The following ANK1 variants were observed in gnomAD, a reference collection of about 807,000 sequenced individuals.
ANK1 encodes ankyrin 1.
ANK1 carries 51 observed loss-of-function variants against 210.4 expected under a neutral mutation model. The ratio of observed to expected loss-of-function variants is 0.24; its 90% CI spans 0.19 to 0.31. The LOEUF (loss-of-function observed/expected upper bound fraction) is 0.31. ANK1 is among the 10% of genes least tolerant of loss of function. The pLI is 1.00. For synonymous variants in ANK1, 967 were observed against 1,025.9 expected (o/e 0.94, Z 1.10); for missense variants, 2,051 against 2,504.4 (o/e 0.82, Z 3.86).
In ANK1 at chr8:41,766,814, C is replaced by T. The variant is rs1405503509; in HGVS notation, c.28-8677G>A. Among the ~76,000 whole-genome samples the T allele has an allele frequency of 5.3e-5, 8 of 152,252 alleles. No individual in the cohort carries two copies. The South Asian group carries it at 1.0e-3, about 20-fold the overall frequency. ...CTTGCCAGGGCGCCCAACAGGTCTGCCTTCCTCTGCCCCATTCATTTCCTG... is the reference window on the plus strand; with the variant it reads ...CTTGCCAGGGCGCCCAACAGGTCTGTCTTCCTCTGCCCCATTCATTTCCTG... On this transcript the variant is annotated intron_variant, in intron 1 of 42. Transcript: ENST00000289734.
At chr8:41,739,940 G>A (rs953523100) in intron 2 of ANK1, among the ~76,000 whole-genome samples, 1 of 152,050 alleles carries the variant, frequency 6.6e-6, no homozygotes, top group Non-Finnish European at 1.5e-5. Context: ...ATGTTAGGCT[G>A]GCAGGAATGG....
Position 41,703,966 on chromosome 8 carries a change from A to C in ANK1, c.2295+75T>G. On this transcript the variant is annotated intron_variant, in intron 20 of 42. Transcript: ENST00000289734. ...GCCCTAGACACGTGCATTAACCTCTACGGTTAGGGGAGTTCACACAGGGCT... is the reference window on the plus strand; with the variant it reads ...GCCCTAGACACGTGCATTAACCTCTCCGGTTAGGGGAGTTCACACAGGGCT... The C allele has an allele frequency of 2.2e-6, 3 of 1,374,394 alleles. No individual in the cohort carries two copies. The South Asian group carries it at 3.5e-5, about 16-fold the overall frequency. The allele number at this position is 1,374,394 out of a possible 1,614,324, so 85.1% of individuals were successfully genotyped here.
In ANK1 at chr8:41,758,513, T is replaced by TC. The variant is rs1261903436; in HGVS notation, c.28-377_28-376insG. Among the ~76,000 whole-genome samples, 5 of 152,206 alleles carry TC rather than the reference T, an allele frequency of 3.3e-5. No homozygotes were observed. In the East Asian group the frequency reaches 7.7e-4, roughly 24 times the overall value. ...AAGCCCAACTATTTTTTTAAACTTT[T>TC]TTTTTTTTTATAGAGACAGGGCATC... On this transcript the variant is annotated intron_variant, in intron 1 of 42. Transcript: ENST00000289734.
At chr8:41,698,183 C>T (rs973772629) in intron 23 of ANK1, 62 bp from the exon 24 acceptor site, 4 of 1,549,360 alleles carry the variant, frequency 2.6e-6, no homozygotes, top group African/African-American at 2.7e-5. Flanking sequence ...AGCTCCTCTT[C>T]CTCTTGCCTC....
rs563148090 is a variant in ANK1 at position 41,718,953 on chromosome 8, G to A, written c.1107+708C>T. 5.9e-5 allele frequency among the ~76,000 whole-genome samples: 9 copies of A among 152,330 alleles called. 1 individual carries two copies. The South Asian group carries it at 1.9e-3, about 32-fold the overall frequency. On this transcript the variant is annotated intron_variant, in intron 10 of 42. Coordinates refer to ENST00000289734, the MANE Select transcript of ANK1 (RefSeq NM_000037.4). ...CCCTATAACAGTACGTGGCCTGTGG[G>A]CACTGCTCAGTGAAAGCTTTTTTGA... is the stretch of plus-strand genomic sequence containing the variant.
At chr8:41,888,393 C>T (rs572941330) in intron 1 of ANK1, among the ~76,000 whole-genome samples, 4 of 152,360 alleles carry the variant, frequency 2.6e-5, no homozygotes, top group African/African-American at 9.6e-5. Flanking sequence ...ACTCAGACCA[C>T]CCGACTTCTT....
rs138331656 is a variant in ANK1, at chr8:41,866,496, C to T, written c.126+29859G>A. ...GGCGTGAGCCACTGTGCCTGGATGCCTTAACCATTTTTAAGTGTACGGTTC... is the reference window on the plus strand; with the variant it reads ...GGCGTGAGCCACTGTGCCTGGATGCTTTAACCATTTTTAAGTGTACGGTTC... On this transcript the variant is annotated intron_variant, in intron 1 of 42. Transcript: ENST00000265709. Among the ~76,000 whole-genome samples, 11 of 152,320 alleles carry T rather than the reference C, an allele frequency of 7.2e-5. No individual in the cohort carries two copies. In the East Asian group the frequency reaches 9.6e-4, roughly 13 times the overall value.
intron 37 of ANK1, among the ~76,000 whole-genome samples, chr8:41,683,889 T>C (rs983615889): frequency 3.3e-5 from 5 of 152,098 alleles, no homozygotes; most frequent in African/African-American, 1.2e-4. Context: ...ATCCTCTCCT[T>C]GGGCTGGATC....
At chr8:41,702,711 G>A (rs887930808) in intron 20 of ANK1, among the ~76,000 whole-genome samples, 3 of 152,218 alleles carry the variant, frequency 2.0e-5, no homozygotes, top group African/African-American at 7.2e-5. Context: ...TGGATACTGA[G>A]GCTTGATTTT....
rs1463917287 is a variant in ANK1, at chr8:41,654,309, G to T, written c.*1481C>A. The T allele has an allele frequency of 6.6e-6, 1 of 152,652 alleles. No individual in the cohort carries two copies. The highest frequency in any genetic ancestry group is 2.4e-5 in the African/African-American group (1 of 41,458). The allele number at this position is 152,652 out of a possible 1,614,324, so 9.5% of individuals were successfully genotyped here. ...TCTGTCTCCTTCCTGCCTTGACCCA[G>T]AGCCTGGCCCCGGCCTCTGGGCGTC... On this transcript the variant is annotated 3_prime_UTR_variant, in exon 43 of 43. Coordinates refer to ENST00000289734, the MANE Select transcript of ANK1 (RefSeq NM_000037.4).
At chr8:41,703,129 C>T (rs1035175892) in intron 20 of ANK1, among the ~76,000 whole-genome samples, 1 of 151,840 alleles carries the variant, frequency 6.6e-6, no homozygotes, top group African/African-American at 2.4e-5. Context: ...CTGCACCCAG[C>T]CAAGGGTCCA....
At chr8:41,721,656 C>CAAAAAAAAAAAAAAAAAAAAAAAAAAA in intron 9 of ANK1, among the ~76,000 whole-genome samples, 1 of 108,130 alleles carries the variant, frequency 9.2e-6, no homozygotes, top group Non-Finnish European at 1.9e-5. Context: ...GACTTCATCT[C>CAAAAAAAAAAAAAAAAAAAAAAAAAAA]AAAAAAAAAA....
At position 41,714,221 on chromosome 8, in the gene ANK1, G is replaced by A; in HGVS notation, c.1735C>T (p.His579Tyr). ...AGCTTGACGATGTCCAGGTTGTTGT[G>A]ATGGACGGCCACGTGCAGGGGGGTC... Reference protein sequence around the residue: ...GLTPLHVAVHHNNLDIVKLLL... With the variant: ...GLTPLHVAVHYNNLDIVKLLL... The change falls in exon 16 of 43, where the codon CAC becomes TAC. Residue 579 changes from histidine (H) to tyrosine (Y), a missense_variant. This residue lies in a region of ANK1 where 1,413 missense variants were observed against 1,707.4 expected (regional missense o/e 0.83). Transcript: ENST00000289734. The A allele has an allele frequency of 1.3e-6, 2 of 1,536,474 alleles. No individual in the cohort carries two copies. Among genetic ancestry groups the A allele is most frequent in the Non-Finnish European group, 1.8e-6 (2 of 1,131,854 alleles).
At chr8:41,842,725 T>C (rs1809196688) in intron 1 of ANK1, among the ~76,000 whole-genome samples, 1 of 152,116 alleles carries the variant, frequency 6.6e-6, no homozygotes, top group East Asian at 1.9e-4. Context: ...GGCAGCTTTG[T>C]TTGGGACTGG....
At chr8:41,688,746 A>G (rs1010209248) in intron 33 of ANK1, among the ~76,000 whole-genome samples, 157 bp from the exon 34 acceptor site, 2 of 152,208 alleles carry the variant, frequency 1.3e-5, no homozygotes, top group African/African-American at 4.8e-5. Flanking sequence ...AGAGTAACAC[A>G]TGGGAGGAGT....
chr8:41,860,111 A>C (rs1812993926), intron 1 of ANK1, among the ~76,000 whole-genome samples: 1 of 152,258 alleles, frequency 6.6e-6, no homozygotes, highest in Non-Finnish European at 1.5e-5. Flanking sequence ...ATGGCATAAA[A>C]GAGGAAACCA....
intron 6 of ANK1, among the ~76,000 whole-genome samples, 171 bp downstream of exon 6, chr8:41,725,590 A>C (rs947626914): frequency 6.6e-6 from 1 of 152,170 alleles, no homozygotes; most frequent in Non-Finnish European, 1.5e-5. Context: ...CCAGGGATTT[A>C]GAGCGGGGCT....
intron 1 of ANK1, among the ~76,000 whole-genome samples, chr8:41,822,108 GAGAGAGAA>G (rs1804455395): frequency 9.7e-5 from 3 of 30,866 alleles, no homozygotes; most frequent in Admixed American, 3.5e-4. Context: ...GAGAGAGAGA[GAGAGAGAA>G]AGAAAGAGAA....
chr8:41,802,752 T>C (rs559781263), intron 1 of ANK1, among the ~76,000 whole-genome samples: 5 of 151,300 alleles, frequency 3.3e-5, no homozygotes, highest in African/African-American at 1.2e-4. Context: ...CTACTAAAAA[T>C]AGAAAAAAGT....
Sources: gnomAD v4.1 joint callset for allele counts (sites outside exome capture counted in the v4.1 genomes callset) on GRCh38, gnomAD v4.1.1 for gene constraint, gnomAD v4.1.1 regional missense constraint, MANE v1.5 for transcripts, NCBI Gene and HGNC (gene_info 2026-07-23, HGNC 2026-07-21) for gene names.